WIPF1: variants seen among roughly 807,000 people sequenced by gnomAD.
WIPF1 encodes the protein WAS/WASL interacting protein family member 1.
Under a neutral mutation model 35.4 loss-of-function variants are expected in WIPF1, and 13 were observed. That is an observed-to-expected ratio of 0.37 (90% CI 0.24 to 0.58). WIPF1 has a LOEUF of 0.58. Ranked by LOEUF, WIPF1 falls within the 20% of genes least tolerant of loss-of-function variation. WIPF1 has a pLI of 0.74. For missense variants in WIPF1, 591 were observed against 667.0 expected (o/e 0.89, Z 1.25); for synonymous variants, 267 against 266.3 (o/e 1.00, Z -0.02).
At chr2:174,603,516 G>T (rs1465446709) in intron 1 of WIPF1, among the ~76,000 whole-genome samples, 2 of 152,154 alleles carry the variant, frequency 1.3e-5, no homozygotes, top group Non-Finnish European at 2.9e-5. Flanking sequence ...TTGACTCCTC[G>T]GTCTGAGACA....
At chr2:174,624,043 T>C (rs929884658) in intron 1 of WIPF1, among the ~76,000 whole-genome samples, 18 of 151,632 alleles carry the variant, frequency 1.2e-4, no homozygotes, top group Non-Finnish European at 2.4e-4. Flanking sequence ...AAAAAAAACA[T>C]GTGGTACTGC....
Position 174,585,542 on chromosome 2 carries a change from G to T in WIPF1, c.32C>A (p.Pro11Gln). Residue 11 changes from proline to glutamine, a missense_variant, in exon 2 of 8, where the codon CCG (proline) becomes CAG (glutamine). Transcript: ENST00000679041. The part of the protein sequence containing the change: MPVPPPPAPP[P>Q]PPTFALANTE... ...ACTCACCAGTGCAAACGTCGGGGGCGGCGGGGGTGCTGGAGGGGGAGGGAC... is the reference window on the plus strand; with the variant it reads ...ACTCACCAGTGCAAACGTCGGGGGCTGCGGGGGTGCTGGAGGGGGAGGGAC... The T allele has an allele frequency of 4.3e-6, 7 of 1,612,466 alleles. No individual in the cohort carries two copies. Among genetic ancestry groups the T allele is most frequent in the Non-Finnish European group, 5.9e-6 (7 of 1,179,294 alleles).
At chr2:174,581,949 T>C (rs1255545615) in intron 2 of WIPF1, among the ~76,000 whole-genome samples, 1 of 152,250 alleles carries the variant, frequency 6.6e-6, no homozygotes, top group East Asian at 1.9e-4. Flanking sequence ...TCTGTGTATA[T>C]TGCCAAAGAT....
Position 174,572,187 on chromosome 2 carries a change from C to A in WIPF1, c.618G>T (p.Val206=), listed in dbSNP as rs762372137. The A allele has an allele frequency of 3.1e-6, 5 of 1,614,058 alleles. No individual in the cohort carries two copies. The highest frequency in any genetic ancestry group is 4.2e-6 in the Non-Finnish European group (5 of 1,179,986). Residue 206 remains valine, a synonymous_variant, in exon 5 of 8, where the codon GTG becomes GTT. Coordinates refer to ENST00000679041, the MANE Select transcript of WIPF1 (RefSeq NM_001375834.1). ...SSPHNRGSPP[V]PGGPRQPSPG... is the part of the protein sequence containing the mutation. Reference sequence around the variant, plus strand: ...GGCTGGGCTGCCTGGGGCCTCCGGGCACTGGTGGGGACCCCCGGTTGTGCG... The same window carrying A: ...GGCTGGGCTGCCTGGGGCCTCCGGGAACTGGTGGGGACCCCCGGTTGTGCG...
chr2:174,681,872 A>G (rs4972708), intron 1 of WIPF1, among the ~76,000 whole-genome samples: 152,287 of 152,302 alleles, frequency 1, 76,136 homozygotes, highest in Non-Finnish European at 1. Context: ...AGAAGACCTC[A>G]CCAGGCTCAG....
chr2:174,640,805 T>C (rs965473268), intron 1 of WIPF1, among the ~76,000 whole-genome samples: 5 of 152,068 alleles, frequency 3.3e-5, no homozygotes, highest in African/African-American at 1.2e-4. Flanking sequence ...ATTTAAAGAA[T>C]TAATATTGTT....
chr2:174,663,062 C>A (rs1006487062), intron 1 of WIPF1, among the ~76,000 whole-genome samples: 2 of 152,160 alleles, frequency 1.3e-5, no homozygotes, highest in Non-Finnish European at 2.9e-5. Context: ...TATAAACATG[C>A]CCTTTTCAAT....
chr2:174,655,386 T>G (rs1378698313), intron 1 of WIPF1: 2 of 152,200 alleles, frequency 1.3e-5, no homozygotes, highest in African/African-American at 4.8e-5. Context: ...CTTCCCACCA[T>G]GACTGGGATC....
intron 1 of WIPF1, among the ~76,000 whole-genome samples, chr2:174,593,507 G>T (rs1559154985): frequency 6.6e-6 from 1 of 152,156 alleles, no homozygotes; most frequent in Non-Finnish European, 1.5e-5. Context: ...ATGTCGTTTT[G>T]GGATTCCTAC....
Position 174,560,745 on chromosome 2 carries a change from A to C in WIPF1, c.*1802T>G, listed in dbSNP as rs367945942. On this transcript the variant is annotated 3_prime_UTR_variant, in exon 8 of 8. Transcript: ENST00000679041. ...AAATCAGGACTTTGGCAAGGAAGTT[A>C]TAGAAATATAATATATTCAAATCAG... 6.6e-6 allele frequency: 1 copy of C among 152,636 alleles called. No individual in the cohort carries two copies. The highest frequency in any genetic ancestry group is 1.9e-4 in the East Asian group (1 of 5,200). The allele number at this position is 152,636 out of a possible 1,614,324, so 9.5% of individuals were successfully genotyped here. A position where few individuals can be genotyped will look rare whatever the true frequency, so the allele number is the denominator to read the frequency against.
chr2:174,604,014 A>G (rs1686082844), intron 1 of WIPF1, among the ~76,000 whole-genome samples: 1 of 152,260 alleles, frequency 6.6e-6, no homozygotes, highest in African/African-American at 2.4e-5. Flanking sequence ...GCCATTTTAC[A>G]CAATAAAATA....
intron 1 of WIPF1, among the ~76,000 whole-genome samples, chr2:174,613,321 T>C (rs1686409376): frequency 6.6e-6 from 1 of 152,260 alleles, no homozygotes; most frequent in Non-Finnish European, 1.5e-5. Context: ...GCAAATATTT[T>C]AGAAAAGGTA....
intron 1 of WIPF1, among the ~76,000 whole-genome samples, chr2:174,666,402 G>A (rs1687892001): frequency 6.6e-6 from 1 of 152,188 alleles, no homozygotes; most frequent in Non-Finnish European, 1.5e-5. Context: ...TATTCCTACA[G>A]TTTTTCTGTC....
At chr2:174,618,000 T>C (rs1205805363) in intron 1 of WIPF1, among the ~76,000 whole-genome samples, 1 of 152,248 alleles carries the variant, frequency 6.6e-6, no homozygotes, top group Non-Finnish European at 1.5e-5. Flanking sequence ...CGGTAACTAA[T>C]AAGGCTTTGA....
intron 1 of WIPF1, among the ~76,000 whole-genome samples, chr2:174,672,949 C>T (rs1688051816): frequency 1.3e-5 from 2 of 152,178 alleles, no homozygotes; most frequent in Admixed American, 1.3e-4. Flanking sequence ...CTGAAAGTAA[C>T]TTAATTTTTT....
intron 1 of WIPF1, among the ~76,000 whole-genome samples, chr2:174,605,828 T>C (rs1489787583): frequency 6.6e-6 from 1 of 152,110 alleles, no homozygotes; most frequent in Non-Finnish European, 1.5e-5. Context: ...ATATTTAAAA[T>C]GTTTCCATAA....
intron 1 of WIPF1, among the ~76,000 whole-genome samples, chr2:174,679,551 C>A (rs1688209061): frequency 6.6e-6 from 1 of 151,906 alleles, no homozygotes; most frequent in Admixed American, 6.6e-5. Flanking sequence ...TTAGGAAACT[C>A]TGCCCTCTGG....
intron 1 of WIPF1, chr2:174,665,374 T>A (rs1687869492): frequency 6.6e-6 from 1 of 152,250 alleles, no homozygotes; most frequent in Non-Finnish European, 1.5e-5. Flanking sequence ...AACTCCTCCA[T>A]CACCATCTTC....
At chr2:174,647,796 G>A (rs1175195802) in intron 1 of WIPF1, among the ~76,000 whole-genome samples, 3 of 152,182 alleles carry the variant, frequency 2.0e-5, no homozygotes, top group Non-Finnish European at 4.4e-5. Flanking sequence ...GTAGGTAGAG[G>A]AAAAGGTGGC....
Sources: gnomAD v4.1 joint callset for allele counts (sites outside exome capture counted in the v4.1 genomes callset) on GRCh38, gnomAD v4.1.1 for gene constraint, MANE v1.5 for transcripts, NCBI Gene and HGNC (gene_info 2026-07-23, HGNC 2026-07-21) for gene names.